The following CCDC171 variants were observed in gnomAD, a reference collection of about 807,000 sequenced individuals.
The protein encoded by CCDC171 is coiled-coil domain containing 171.
A neutral mutation model predicts 168.2 loss-of-function variants in CCDC171; 177 were observed. The ratio of observed to expected loss-of-function variants is 1.05; its 90% CI spans 0.93 to 1.19. CCDC171 has a LOEUF of 1.19. CCDC171 is among the 50% of genes most tolerant of loss of function. CCDC171 has a pLI of 0.00. For missense variants in CCDC171, 1,991 were observed against 1,539.0 expected (o/e 1.29, Z -4.91); for synonymous variants, 687 against 540.8 (o/e 1.27, Z -3.75).
intron 23 of CCDC171, among the ~76,000 whole-genome samples, chr9:15,863,613 T>C (rs1303846470): frequency 6.6e-6 from 1 of 152,030 alleles, no homozygotes; most frequent in East Asian, 1.9e-4. Flanking sequence ...TTGGAAGACA[T>C]TGTTCTCATG....
chr9:15,564,081 A>G lies in CCDC171; in HGVS notation c.-8A>G. ...TAGCAGGGTATTTTGAAAGAGTTGG[A>G]AAACATCATGAATTTGAATACTTCA... On this transcript the variant is annotated 5_prime_UTR_variant, in exon 2 of 26. Coordinates refer to ENST00000380701, the MANE Select transcript of CCDC171 (RefSeq NM_173550.4). The G allele has an allele frequency of 1.2e-6, 2 of 1,602,584 alleles. No homozygotes were observed. Among genetic ancestry groups the G allele is most frequent in the East Asian group, 2.2e-5 (1 of 44,766 alleles).
chr9:15,797,496 A>G (rs2058617377), intron 21 of CCDC171, among the ~76,000 whole-genome samples: 1 of 152,174 alleles, frequency 6.6e-6, no homozygotes, highest in Non-Finnish European at 1.5e-5. Flanking sequence ...GAATACAGGC[A>G]TGAGCCACTG....
intron 25 of CCDC171, among the ~76,000 whole-genome samples, chr9:15,926,888 A>T (rs1825954544): frequency 6.6e-6 from 1 of 151,704 alleles, no homozygotes; most frequent in African/African-American, 2.4e-5. Flanking sequence ...AAAGAACTAA[A>T]ACAACCCTTA....
chr9:15,807,098 C>G (rs1014210964), intron 21 of CCDC171, among the ~76,000 whole-genome samples: 4 of 152,160 alleles, frequency 2.6e-5, no homozygotes, highest in African/African-American at 9.6e-5. Context: ...GTGGCTATTT[C>G]ATTTGTCAGC....
At chr9:16,098,601 G>C in the CCDC171 span, among the ~76,000 whole-genome samples, 1 of 152,136 alleles carries the variant, frequency 6.6e-6, no homozygotes, top group South Asian at 2.1e-4. Context: ...TAATGAAGTC[G>C]ATGAAATGAA....
intron 25 of CCDC171, among the ~76,000 whole-genome samples, chr9:15,927,996 T>C (rs1298800926): frequency 6.6e-6 from 1 of 151,670 alleles, no homozygotes; most frequent in Non-Finnish European, 1.5e-5. Flanking sequence ...GACAATTTGT[T>C]GAGAGAGGCT....
chr9:15,778,897 G>C (rs2057496518), intron 19 of CCDC171, 71 bp from the exon 20 acceptor site: 1 of 1,095,900 alleles, frequency 9.1e-7, no homozygotes, highest in Non-Finnish European at 1.2e-6. Context: ...ATTTAATTTA[G>C]TAAAATGGTT....
rs1831401874 is a variant in CCDC171, at chr9:15,971,913, T to A, written c.*77T>A. 1 of 1,289,628 alleles carries A rather than the reference T, an allele frequency of 7.8e-7. No homozygotes were observed. Among genetic ancestry groups the A allele is most frequent in the African/African-American group, 1.5e-5 (1 of 67,732 alleles). 79.9% of individuals were successfully genotyped at this position (1,289,628 alleles called of 1,614,324 possible). A position where few individuals can be genotyped will look rare whatever the true frequency, so the allele number is the denominator to read the frequency against. On this transcript the variant is annotated 3_prime_UTR_variant, in exon 26 of 26. Coordinates refer to ENST00000380701, the MANE Select transcript of CCDC171 (RefSeq NM_173550.4). ...TTTGAATGGGAATTTTCTTATCAGT[T>A]GACTTTTGTTTCAGCAGAAGTGGCA...
Position 15,623,479 on chromosome 9 carries a change from A to ACG in CCDC171, c.822+67_822+68insGC, listed in dbSNP as rs1564072886. 7.5e-6 allele frequency: 3 copies of ACG among 400,110 alleles called. No homozygotes were observed. In the Admixed American group the frequency reaches 1.4e-4, roughly 19 times the overall value. The allele number at this position is 400,110 out of a possible 1,614,324, so 24.8% of individuals were successfully genotyped here. On this transcript the variant is annotated intron_variant, in intron 7 of 25. Coordinates refer to ENST00000380701, the MANE Select transcript of CCDC171 (RefSeq NM_173550.4). Reference sequence around the variant, plus strand: ...CTTTCACATATGCGCGCGCGCGCACACACACACACACACACACACACACAC... The same window carrying ACG: ...CTTTCACATATGCGCGCGCGCGCACACGCACACACACACACACACACACACAC...
At chr9:15,595,974 C>T (rs1480712070) in intron 6 of CCDC171, among the ~76,000 whole-genome samples, 4 of 152,204 alleles carry the variant, frequency 2.6e-5, no homozygotes, top group South Asian at 2.1e-4. Flanking sequence ...TCATATCCTT[C>T]GCCCACTTGT....
downstream of CCDC171, among the ~76,000 whole-genome samples, chr9:16,064,483 G>A (rs1190233137): frequency 1.3e-5 from 2 of 152,138 alleles, no homozygotes; most frequent in African/African-American, 4.8e-5. Context: ...GACAAGAGAA[G>A]GAAAGAGGCG....
intron 10 of CCDC171, among the ~76,000 whole-genome samples, chr9:15,692,694 AT>A (rs1228743628): frequency 3.3e-5 from 5 of 151,448 alleles, no homozygotes; most frequent in African/African-American, 1.2e-4. Context: ...TGCCCAGCTA[AT>A]TTTTTGTATA....
At chr9:15,943,417 A>G (rs1827943341) in intron 25 of CCDC171, among the ~76,000 whole-genome samples, 2 of 152,050 alleles carry the variant, frequency 1.3e-5, no homozygotes, top group African/African-American at 4.8e-5. Flanking sequence ...GGAACATTGT[A>G]TGTTTAAAAA....
intron 7 of CCDC171, among the ~76,000 whole-genome samples, chr9:15,631,238 T>C (rs1447273790): frequency 1.3e-5 from 2 of 151,488 alleles, no homozygotes; most frequent in Non-Finnish European, 2.9e-5. Context: ...CAGAAGCTGG[T>C]TTTTTGAAAA....
intron 3 of CCDC171, among the ~76,000 whole-genome samples, chr9:15,984,170 G>C (rs1011081460): frequency 6.6e-6 from 1 of 152,244 alleles, no homozygotes; most frequent in South Asian, 2.1e-4. Context: ...TGGACCAAAT[G>C]TGAGGTCTGA....
At chr9:16,054,229 C>G (rs1175806569) in intron 1 of CCDC171, among the ~76,000 whole-genome samples, 1 of 152,152 alleles carries the variant, frequency 6.6e-6, no homozygotes, top group Non-Finnish European at 1.5e-5. Flanking sequence ...GAAGAACACC[C>G]TGGTAACCCA....
intron 21 of CCDC171, among the ~76,000 whole-genome samples, chr9:15,788,726 T>A (rs1029983249): frequency 5.3e-5 from 8 of 151,954 alleles, no homozygotes; most frequent in Middle Eastern, 3.2e-3. Context: ...ATTAAAAAAA[T>A]TTTTTTGTAG....
chr9:15,864,152 T>C (rs2061672212), intron 23 of CCDC171, among the ~76,000 whole-genome samples: 1 of 149,334 alleles, frequency 6.7e-6, no homozygotes, highest in African/African-American at 2.6e-5. Flanking sequence ...AATTCTGACC[T>C]TTTTTTGCCA....
chr9:16,002,354 G>A (rs1267557037), intron 3 of CCDC171, among the ~76,000 whole-genome samples: 3 of 151,782 alleles, frequency 2.0e-5, no homozygotes, highest in Non-Finnish European at 4.4e-5. Flanking sequence ...CACCCTGTGT[G>A]GGCCTAGACT....
Sources: gnomAD v4.1 joint callset for allele counts (sites outside exome capture counted in the v4.1 genomes callset) on GRCh38, gnomAD v4.1.1 for gene constraint, MANE v1.5 for transcripts, NCBI Gene and HGNC (gene_info 2026-07-23, HGNC 2026-07-21) for gene names.